The following RSPO2 variants were observed in gnomAD, a reference collection of about 807,000 sequenced individuals.
RSPO2 encodes R-spondin-2.
A neutral mutation model predicts 30.9 loss-of-function variants in RSPO2; 14 were observed. That is an observed-to-expected ratio of 0.45 (90% CI 0.30 to 0.71). The LOEUF (loss-of-function observed/expected upper bound fraction) is 0.71, where lower values mean the gene tolerates loss of function less well. Ranked by LOEUF, RSPO2 falls within the 30% of genes least tolerant of loss-of-function variation. The probability of loss-of-function intolerance (pLI) is 0.08; values close to 1 mark genes in which losing one functional copy is unlikely to be tolerated. For missense variants in RSPO2, 264 were observed against 301.9 expected, an observed-to-expected ratio of 0.87 and a Z score of 0.93; for synonymous variants, 107 against 96.4, an observed-to-expected ratio of 1.11 and a Z score of -0.64.
Position 108,001,960 on chromosome 8 carries a change from G to A in RSPO2, c.95-12716C>T, listed in dbSNP as rs4483126. Among the ~76,000 whole-genome samples the A allele has an allele frequency of 3.3e-3, 507 of 152,114 alleles. 2 individuals carry two copies. The highest frequency in any genetic ancestry group is 0.012 in the African/African-American group (486 of 41,458). On this transcript the variant is annotated intron_variant, in intron 2 of 5. Coordinates refer to ENST00000276659, the MANE Select transcript of RSPO2 (RefSeq NM_178565.5). ...ATGCCGGGCTTAAAACCTAGAAGAC[G>A]GATTGATGGGTGCAGCAAACCAACA...
At chr8:108,066,462 A>C (rs62537973) in intron 2 of RSPO2, among the ~76,000 whole-genome samples, 1 of 151,366 alleles carries the variant, frequency 6.6e-6, no homozygotes, top group East Asian at 1.9e-4. Flanking sequence ...TTTTTTTTTA[A>C]TGTCATTTTA....
intron 2 of RSPO2, among the ~76,000 whole-genome samples, chr8:107,997,428 T>C (rs1815067218): frequency 6.6e-6 from 1 of 152,180 alleles, no homozygotes; most frequent in Non-Finnish European, 1.5e-5. Flanking sequence ...TTTCCAACCC[T>C]AAAGCCCGCT....
chr8:108,027,689 C>T (rs902723209), intron 2 of RSPO2, among the ~76,000 whole-genome samples: 5 of 151,950 alleles, frequency 3.3e-5, no homozygotes, highest in Non-Finnish European at 7.4e-5. Flanking sequence ...TTTTTCAGAG[C>T]CTGATGGGAA....
intron 2 of RSPO2, among the ~76,000 whole-genome samples, chr8:108,047,803 A>T (rs959393057): frequency 2.6e-5 from 4 of 151,596 alleles, no homozygotes; most frequent in Non-Finnish European, 5.9e-5. Context: ...GTGAACCAAG[A>T]TCATGCCACT....
intron 3 of RSPO2, among the ~76,000 whole-genome samples, chr8:107,974,702 G>A (rs923626457): frequency 7.9e-5 from 12 of 152,056 alleles, no homozygotes; most frequent in African/African-American, 2.4e-4. Flanking sequence ...GACAGGGAGA[G>A]AGGGGAGAGG....
chr8:108,014,398 T>A (rs1307999962), intron 2 of RSPO2, among the ~76,000 whole-genome samples: 1 of 152,184 alleles, frequency 6.6e-6, no homozygotes, highest in South Asian at 2.1e-4. Context: ...TGCACACATA[T>A]GCTTATTGCA....
rs149442744 is a variant in RSPO2, at chr8:108,018,106, C to A, written c.95-28862G>T. Among the ~76,000 whole-genome samples the A allele has an allele frequency of 1.1e-4, 16 of 151,768 alleles. No homozygotes were observed. In the East Asian group the frequency reaches 3.1e-3, roughly 29 times the overall value. Reference sequence around the variant, plus strand: ...TTACTTAATGGCAGATAAAATTATACCCTCATTTCATATTTATACTTTCTT... The same window carrying A: ...TTACTTAATGGCAGATAAAATTATAACCTCATTTCATATTTATACTTTCTT... On this transcript the variant is annotated intron_variant, in intron 2 of 5. Transcript: ENST00000276659.
At chr8:108,079,020 C>A (rs979736810) in intron 2 of RSPO2, among the ~76,000 whole-genome samples, 1 of 152,142 alleles carries the variant, frequency 6.6e-6, no homozygotes, top group African/African-American at 2.4e-5. Context: ...TGAAATGTGG[C>A]TTACAACCAT....
intron 2 of RSPO2, among the ~76,000 whole-genome samples, chr8:108,001,178 C>T (rs1179510256): frequency 1.3e-5 from 2 of 151,966 alleles, no homozygotes; most frequent in African/African-American, 2.4e-5. Flanking sequence ...GGCGACAGAG[C>T]GAGACTCCGT....
At chr8:108,055,786 C>T (rs1455584412) in intron 2 of RSPO2, among the ~76,000 whole-genome samples, 6 of 151,828 alleles carry the variant, frequency 4.0e-5, no homozygotes, top group East Asian at 3.9e-4. Flanking sequence ...GCCAACAAGA[C>T]GTTAAAAAAA....
intron 2 of RSPO2, among the ~76,000 whole-genome samples, chr8:108,014,783 A>G (rs939561698): frequency 1.2e-4 from 18 of 151,576 alleles, no homozygotes; most frequent in African/African-American, 3.6e-4. Context: ...ACCATGGCAC[A>G]TGTATACCTA....
At chr8:107,986,503 T>C (rs988821641) in intron 3 of RSPO2, among the ~76,000 whole-genome samples, 2 of 152,204 alleles carry the variant, frequency 1.3e-5, no homozygotes, top group Non-Finnish European at 2.9e-5. Context: ...TATTAACTCC[T>C]GCCTGAGAGT....
chr8:107,996,769 C>A, intron 2 of RSPO2: 2 of 295,286 alleles, frequency 6.8e-6, no homozygotes, highest in South Asian at 2.9e-5. Flanking sequence ...GTATCAGGAG[C>A]CAACTTTCAT....
intron 5 of RSPO2, among the ~76,000 whole-genome samples, chr8:107,906,933 C>T (rs1176786665): frequency 6.6e-6 from 1 of 151,842 alleles, no homozygotes; most frequent in Non-Finnish European, 1.5e-5. Flanking sequence ...TTTAAATCTA[C>T]TCTTTGCAAT....
chr8:108,070,417 C>T (rs1438524115), intron 2 of RSPO2, among the ~76,000 whole-genome samples: 2 of 151,422 alleles, frequency 1.3e-5, no homozygotes, highest in South Asian at 2.1e-4. Context: ...CTCAGCCTCC[C>T]GAGTAGCTGG....
At chr8:108,048,729 C>T (rs1018397746) in intron 2 of RSPO2, among the ~76,000 whole-genome samples, 23 of 152,136 alleles carry the variant, frequency 1.5e-4, no homozygotes, top group African/African-American at 4.3e-4. Flanking sequence ...TGTGTTTGCT[C>T]TTGCTTCTCT....
At chr8:107,972,300 C>G (rs1814028200) in intron 3 of RSPO2, among the ~76,000 whole-genome samples, 1 of 151,930 alleles carries the variant, frequency 6.6e-6, no homozygotes, top group South Asian at 2.1e-4. Context: ...TGCCTGCCAC[C>G]ATGTCTGGAT....
chr8:107,954,676 T>C (rs911877287), intron 5 of RSPO2, among the ~76,000 whole-genome samples: 1 of 152,124 alleles, frequency 6.6e-6, no homozygotes, highest in Admixed American at 6.5e-5. Flanking sequence ...AGTGGCACGA[T>C]CTTGGCTCAA....
At chr8:108,018,358 C>T (rs1810956865) in intron 2 of RSPO2, among the ~76,000 whole-genome samples, 1 of 152,212 alleles carries the variant, frequency 6.6e-6, no homozygotes, top group African/African-American at 2.4e-5. Flanking sequence ...ATCCTTCTCA[C>T]ACTGTAGTAT....
Sources: gnomAD v4.1 joint callset for allele counts (sites outside exome capture counted in the v4.1 genomes callset) on GRCh38, gnomAD v4.1.1 for gene constraint, MANE v1.5 for transcripts, NCBI Gene and HGNC (gene_info 2026-07-23, HGNC 2026-07-21) for gene names.